GMPR: variants seen among roughly 807,000 people sequenced by gnomAD.
GMPR encodes guanosine monophosphate reductase.
In GMPR, 31 loss-of-function variants were observed where a neutral mutation model predicts 38.4. The ratio of observed to expected loss-of-function variants is 0.81; its 90% confidence interval spans 0.61 to 1.09. GMPR has a LOEUF of 1.09. GMPR is among the 50% of genes least tolerant of loss of function. The pLI is 0.00. For missense variants in GMPR, 468 were observed against 453.7 expected (o/e 1.03, Z -0.29); for synonymous variants, 162 against 173.3 (o/e 0.93, Z 0.51).
At chr6:16,273,904 C>T (rs1412818801) in intron 4 of GMPR, among the ~76,000 whole-genome samples, 1 of 150,654 alleles carries the variant, frequency 6.6e-6, no homozygotes, top group East Asian at 2.0e-4. Context: ...CAGCCTCTGC[C>T]TCCCGGGTTC....
At chr6:16,276,876 C>T (rs1007086977) in intron 5 of GMPR, among the ~76,000 whole-genome samples, 1 of 152,214 alleles carries the variant, frequency 6.6e-6, no homozygotes, top group African/African-American at 2.4e-5. Context: ...AAAGTATGCA[C>T]CAACTTCTTC....
At chr6:16,269,785 A>G (rs1437110284) in intron 4 of GMPR, among the ~76,000 whole-genome samples, 3 of 152,348 alleles carry the variant, frequency 2.0e-5, no homozygotes, top group African/African-American at 7.2e-5. Flanking sequence ...TGACAAAGTG[A>G]GACCCTGTCT....
chr6:16,267,089 C>T (rs1476603088), intron 4 of GMPR, among the ~76,000 whole-genome samples: 2 of 151,970 alleles, frequency 1.3e-5, no homozygotes, highest in African/African-American at 4.8e-5. Flanking sequence ...CATGGCCGGG[C>T]GCTGTGGCTC....
intron 3 of GMPR, among the ~76,000 whole-genome samples, chr6:16,252,855 G>A (rs888849707): frequency 2.0e-5 from 3 of 152,208 alleles, no homozygotes; most frequent in Admixed American, 1.3e-4. Flanking sequence ...GCACAGAGAA[G>A]GCTGGAGTAA....
At chr6:16,254,814 G>GCTGTATC in intron 4 of GMPR, 79 bp downstream of exon 4, 1 of 1,003,266 alleles carries the variant, frequency 1.0e-6, no homozygotes, top group East Asian at 2.4e-5. Context: ...TGTCGGGGGA[G>GCTGTATC]CTGTATCCTC....
intron 1 of GMPR, among the ~76,000 whole-genome samples, chr6:16,243,301 G>T (rs1214624249): frequency 6.6e-6 from 1 of 152,150 alleles, no homozygotes. Flanking sequence ...TGTGTACCCG[G>T]GTGTGCTGGA....
At chr6:16,281,671 A>AT (rs3071344) in intron 6 of GMPR, among the ~76,000 whole-genome samples, 66,521 of 147,224 alleles carry the variant, frequency 0.45, 15,575 homozygotes, top group East Asian at 0.76. Flanking sequence ...CGCTCAGCCC[A>AT]TTTTTTTTTT....
intron 4 of GMPR, among the ~76,000 whole-genome samples, chr6:16,255,362 T>C (rs1458874813): frequency 6.6e-6 from 1 of 152,170 alleles, no homozygotes; most frequent in Non-Finnish European, 1.5e-5. Flanking sequence ...ACAGAGAGTG[T>C]ATTTTAAGAT....
chr6:16,243,833 C>T (rs182999953), intron 1 of GMPR, among the ~76,000 whole-genome samples: 1 of 152,322 alleles, frequency 6.6e-6, no homozygotes, highest in African/African-American at 2.4e-5. Context: ...ATTCTAAGGC[C>T]TGCATGGGCC....
chr6:16,285,136 C>A (rs1268109538), intron 6 of GMPR, among the ~76,000 whole-genome samples: 3 of 151,116 alleles, frequency 2.0e-5, no homozygotes, highest in Admixed American at 6.6e-5. Context: ...AACAGCTGAA[C>A]CTTGCTGGGC....
At chr6:16,288,260 G>GGCGCGAGTGGCAACCGAGGAT (rs1759734831) in intron 7 of GMPR, among the ~76,000 whole-genome samples, 1 of 152,390 alleles carries the variant, frequency 6.6e-6, no homozygotes, top group South Asian at 2.1e-4. Context: ...TGGAGGGAGA[G>GGCGCGAGTGGCAACCGAGGAT]GCGCGAGTGG....
chr6:16,245,838 T>C (rs756488370), intron 1 of GMPR, among the ~76,000 whole-genome samples: 3 of 152,186 alleles, frequency 2.0e-5, no homozygotes, highest in Non-Finnish European at 4.4e-5. Flanking sequence ...CGCAGGCCTC[T>C]CTGGTCGGAG....
At chr6:16,288,719 T>C (rs966469869) in intron 7 of GMPR, among the ~76,000 whole-genome samples, 8 of 152,206 alleles carry the variant, frequency 5.3e-5, no homozygotes, top group African/African-American at 1.9e-4. Context: ...GCTGGGCTCC[T>C]CAGTCTGGTG....
At chr6:16,247,985 T>A (rs979216843) in intron 2 of GMPR, among the ~76,000 whole-genome samples, 11 of 151,994 alleles carry the variant, frequency 7.2e-5, no homozygotes, top group Middle Eastern at 3.4e-3. Context: ...ATCCCAGGAT[T>A]TGGGGAGGTG....
intron 7 of GMPR, among the ~76,000 whole-genome samples, chr6:16,287,783 T>C (rs1581666529): frequency 1.3e-5 from 2 of 152,226 alleles, no homozygotes; most frequent in South Asian, 2.1e-4. Context: ...TCTTAAGAGG[T>C]TGCTGCCACT....
chr6:16,253,309 G>A (rs940541082), intron 3 of GMPR, among the ~76,000 whole-genome samples: 1 of 152,240 alleles, frequency 6.6e-6, no homozygotes, highest in Non-Finnish European at 1.5e-5. Context: ...GGTTGTTCTT[G>A]CATTGCTTTA....
At chr6:16,282,407 G>A (rs1317328657) in intron 6 of GMPR, among the ~76,000 whole-genome samples, 2 of 152,174 alleles carry the variant, frequency 1.3e-5, no homozygotes, top group East Asian at 1.9e-4. Flanking sequence ...AGCAAAATGT[G>A]TTTAACCTAG....
intron 3 of GMPR, among the ~76,000 whole-genome samples, chr6:16,252,693 G>A (rs1487214606): frequency 2.6e-5 from 4 of 152,212 alleles, no homozygotes; most frequent in Non-Finnish European, 4.4e-5. Context: ...GTAGCAGTGA[G>A]AGAAGGCAAC....
At chr6:16,267,085 C>T (rs902834900) in intron 4 of GMPR, among the ~76,000 whole-genome samples, 7 of 151,674 alleles carry the variant, frequency 4.6e-5, no homozygotes, top group East Asian at 4.0e-4. Flanking sequence ...GTAACATGGC[C>T]GGGCGCTGTG....
Sources: gnomAD v4.1 joint callset for allele counts (sites outside exome capture counted in the v4.1 genomes callset) on GRCh38, gnomAD v4.1.1 for gene constraint, MANE v1.5 for transcripts, NCBI Gene and HGNC (gene_info 2026-07-23, HGNC 2026-07-21) for gene names.